The following MSANTD2 variants were observed in gnomAD, a reference collection of about 807,000 sequenced individuals.
The protein encoded by MSANTD2 is Myb/SANT DNA binding domain containing 2.
In MSANTD2, 19 loss-of-function variants were observed where a neutral mutation model predicts 52.6. The ratio of observed to expected loss-of-function variants is 0.36; its 90% CI spans 0.25 to 0.53. MSANTD2 has a LOEUF of 0.53. Ranked by LOEUF, MSANTD2 falls within the 20% of genes least tolerant of loss-of-function variation. The pLI, the probability that MSANTD2 is intolerant of heterozygous loss-of-function variation, is 0.91. For missense variants in MSANTD2, 558 were observed against 716.3 expected (o/e 0.78, Z 2.52); for synonymous variants, 291 against 289.7 (o/e 1.00, Z -0.04).
intron 1 of MSANTD2, chr11:124,784,571 G>A (rs1375586925): frequency 5.1e-6 from 5 of 985,078 alleles, no homozygotes; most frequent in Non-Finnish European, 2.4e-6. Context: ...TTCCATTCAT[G>A]AGACCAATGT....
At chr11:124,791,557 C>A in intron 1 of MSANTD2, 1 of 1,207,654 alleles carries the variant, frequency 8.3e-7, no homozygotes, top group East Asian at 2.4e-5. Context: ...GAAGGGTCAC[C>A]AATGTGACCC....
intron 3 of MSANTD2, among the ~76,000 whole-genome samples, chr11:124,772,720 G>C (rs1181905295): frequency 1.6e-5 from 2 of 124,132 alleles, no homozygotes; most frequent in Non-Finnish European, 3.2e-5. Flanking sequence ...CTGGGTGACA[G>C]AGCGAGAGCG....
rs950021622 is a variant in MSANTD2 at position 124,800,292 on chromosome 11, C to T, written c.89G>A (p.Gly30Asp). 2 of 1,567,848 alleles carry T rather than the reference C, an allele frequency of 1.3e-6. No homozygotes were observed. Among genetic ancestry groups the T allele is most frequent in the Non-Finnish European group, 1.7e-6 (2 of 1,159,718 alleles). The change falls in exon 1 of 4, where the codon GGC becomes GAC. Residue 30 changes from glycine to aspartate, a missense_variant. Physicochemically the swap from Gly to Asp is moderately conservative, Grantham distance 94 (BLOSUM62 -1). This residue lies in a region of MSANTD2 where 150 missense variants were observed against 142.7 expected (regional missense o/e 1.05). Coordinates refer to ENST00000374979, the MANE Select transcript of MSANTD2 (RefSeq NM_001308027.2). This position sits in a 1 kb window ranked among gnomAD's most constrained non-coding sequence, Gnocchi z 4.3. ...CAGCGATGGATTTCCGTCGCTCAGG[C>T]CACCAGGAGAAGCCGGGGAAAGCAC... ...MEVLSPASPG[G>D]LSDGNPSLSD...
At chr11:124,788,750 G>T (rs1346416254) in intron 1 of MSANTD2, among the ~76,000 whole-genome samples, 1 of 152,078 alleles carries the variant, frequency 6.6e-6, no homozygotes, top group African/African-American at 2.4e-5. Context: ...CTGCTTGGTA[G>T]TACAAACCTC....
chr11:124,795,059 T>C (rs992056697), intron 1 of MSANTD2, among the ~76,000 whole-genome samples: 1 of 152,084 alleles, frequency 6.6e-6, no homozygotes, highest in African/African-American at 2.4e-5. Flanking sequence ...TTTGTATTTT[T>C]GGTAGAGACA....
intron 1 of MSANTD2, among the ~76,000 whole-genome samples, chr11:124,794,278 C>A (rs1278586044): frequency 1.3e-5 from 2 of 152,182 alleles, no homozygotes; most frequent in Non-Finnish European, 2.9e-5. Context: ...AGAAAATAAA[C>A]CCAGAATTCT....
At chr11:124,797,555 C>T (rs1945533774) in intron 1 of MSANTD2, among the ~76,000 whole-genome samples, 1 of 152,162 alleles carries the variant, frequency 6.6e-6, no homozygotes, top group Admixed American at 6.5e-5. Context: ...TATGCTAGTA[C>T]AGCAGTGAGT....
chr11:124,793,531 C>A (rs1565468238), intron 1 of MSANTD2, among the ~76,000 whole-genome samples: 1 of 152,210 alleles, frequency 6.6e-6, no homozygotes, highest in Admixed American at 6.5e-5. Flanking sequence ...AAAACAGTCA[C>A]TAGCCACAGG....
At chr11:124,775,222 C>A in intron 1 of MSANTD2, 1 of 409,050 alleles carries the variant, frequency 2.4e-6, no homozygotes, top group South Asian at 3.1e-5. Flanking sequence ...AACATTACAA[C>A]ATTATTGCAT....
rs1471826025 is a variant in MSANTD2, at chr11:124,789,329, T to C, written c.510+10542A>G. The C allele has an allele frequency of 4.6e-5, 7 of 152,156 alleles. No homozygotes were observed. The East Asian group carries it at 9.6e-4, about 21-fold the overall frequency. The allele number at this position is 152,156 out of a possible 1,614,324, so 9.4% of individuals were successfully genotyped here. A position where few individuals can be genotyped will look rare whatever the true frequency, so the allele number is the denominator to read the frequency against. On this transcript the variant is annotated intron_variant, in intron 1 of 3. Coordinates refer to ENST00000374979, the MANE Select transcript of MSANTD2 (RefSeq NM_001308027.2). ...TTTGAATCAAGTAATCTGAAGATAG[T>C]AGAGAGACAGTACTGTAAATTTCAA...
chr11:124,775,177 T>A, intron 1 of MSANTD2: 1 of 524,348 alleles, frequency 1.9e-6, no homozygotes, highest in East Asian at 3.2e-5. Flanking sequence ...ATTAAAACAA[T>A]TATTTTGCAA....
intron 1 of MSANTD2, among the ~76,000 whole-genome samples, chr11:124,797,203 G>A (rs1322730778): frequency 6.6e-6 from 1 of 152,122 alleles, no homozygotes; most frequent in African/African-American, 2.4e-5. Context: ...AATTAAATAA[G>A]GCCGGATGTG....
chr11:124,782,443 C>A (rs911075700), intron 1 of MSANTD2, among the ~76,000 whole-genome samples: 16 of 152,094 alleles, frequency 1.1e-4, no homozygotes, highest in African/African-American at 3.1e-4. Context: ...CAGAGTGAGA[C>A]CCCTGTCTCT....
chr11:124,778,944 A>G (rs1246234501), intron 1 of MSANTD2: 1 of 152,234 alleles, frequency 6.6e-6, no homozygotes, highest in Non-Finnish European at 1.5e-5. Context: ...CAATGTAGAG[A>G]AAGACCCAGG....
At chr11:124,798,274 G>A (rs1267517117) in intron 1 of MSANTD2, among the ~76,000 whole-genome samples, 1 of 147,806 alleles carries the variant, frequency 6.8e-6, no homozygotes, top group Non-Finnish European at 1.5e-5. Context: ...AATGAGCCAG[G>A]TGTGGTGGGG....
In MSANTD2 at chr11:124,798,441, T is replaced by A. The variant is rs908660560; in HGVS notation, c.510+1430A>T. Among the ~76,000 whole-genome samples, 12 of 152,010 alleles carry A rather than the reference T, an allele frequency of 7.9e-5. No homozygotes were observed. In the South Asian group the frequency reaches 2.1e-3, roughly 26 times the overall value. Reference sequence around the variant, plus strand: ...AGAACAAATGAGATTCAGAGAAGAGTAGCTTTGTCCTATTAGCTACTACTT... The same window carrying A: ...AGAACAAATGAGATTCAGAGAAGAGAAGCTTTGTCCTATTAGCTACTACTT... On this transcript the variant is annotated intron_variant, in intron 1 of 3. Transcript: ENST00000374979.
At chr11:124,791,437 C>G in intron 1 of MSANTD2, 1 of 1,286,030 alleles carries the variant, frequency 7.8e-7, no homozygotes. Context: ...GAAGCACAGA[C>G]TTCCGGACCC....
chr11:124,772,729 C>T (rs1436659321), intron 3 of MSANTD2, among the ~76,000 whole-genome samples: 4 of 114,612 alleles, frequency 3.5e-5, no homozygotes, highest in African/African-American at 7.1e-5. Context: ...AGAGCGAGAG[C>T]GAGATTCCGT....
chr11:124,786,284 T>C (rs1945161156), intron 1 of MSANTD2, among the ~76,000 whole-genome samples: 1 of 152,098 alleles, frequency 6.6e-6, no homozygotes, highest in Non-Finnish European at 1.5e-5. Flanking sequence ...CATTCTCTGT[T>C]TTCTTATTTC....
Sources: allele counts gnomAD v4.1 joint callset (sites outside exome capture counted in the v4.1 genomes callset), GRCh38; gene constraint gnomAD v4.1.1; regional missense constraint gnomAD v4.1.1; non-coding constraint Gnocchi (gnomAD v3.1); transcripts MANE v1.5; gene names NCBI Gene and HGNC (gene_info 2026-07-23, HGNC 2026-07-21).